The following UVRAG variants were observed in gnomAD, a reference collection of about 807,000 sequenced individuals.
UVRAG encodes UV radiation resistance associated.
A neutral mutation model predicts 78.0 loss-of-function variants in UVRAG; 19 were observed. The observed-to-expected ratio is 0.24, with a 90% CI of 0.17 to 0.36. The LOEUF (loss-of-function observed/expected upper bound fraction) is 0.36. Ranked by LOEUF, UVRAG falls within the 10% of genes least tolerant of loss-of-function variation. UVRAG has a pLI of 1.00. For synonymous variants in UVRAG, 323 were observed against 324.6 expected, an observed-to-expected ratio of 1.00 and a Z score of 0.05; for missense variants, 740 against 853.8, an observed-to-expected ratio of 0.87 and a Z score of 1.66.
At chr11:76,127,053 T>C (rs563931552) in intron 14 of UVRAG, among the ~76,000 whole-genome samples, 1 of 152,154 alleles carries the variant, frequency 6.6e-6, no homozygotes, top group Admixed American at 6.5e-5. Flanking sequence ...ATATACAAAG[T>C]GTGTATTGTA....
At chr11:75,938,154 G>A (rs1170154564) in intron 6 of UVRAG, among the ~76,000 whole-genome samples, 1 of 150,556 alleles carries the variant, frequency 6.6e-6, no homozygotes, top group Non-Finnish European at 1.5e-5. Context: ...TTTGCAGTCA[G>A]CTTTCTCAGA....
intron 6 of UVRAG, among the ~76,000 whole-genome samples, chr11:75,940,337 G>A (rs868406520): frequency 2.6e-5 from 4 of 152,124 alleles, no homozygotes; most frequent in Non-Finnish European, 5.9e-5. Flanking sequence ...CTATAAAGGT[G>A]ACCTTAATTG....
At chr11:75,909,924 T>A (rs1947698237) in intron 5 of UVRAG, among the ~76,000 whole-genome samples, 1 of 152,222 alleles carries the variant, frequency 6.6e-6, no homozygotes, top group East Asian at 1.9e-4. Flanking sequence ...AGTTGGAAAT[T>A]GTTCCCTTCT....
intron 1 of UVRAG, among the ~76,000 whole-genome samples, chr11:75,841,678 AT>A (rs1219952310): frequency 1.3e-5 from 2 of 152,290 alleles, no homozygotes; most frequent in Non-Finnish European, 2.9e-5. Flanking sequence ...GCTTGGTAAA[AT>A]TTTATATGAA....
intron 1 of UVRAG, among the ~76,000 whole-genome samples, chr11:75,832,974 T>C (rs1039492413): frequency 6.6e-6 from 1 of 152,178 alleles, no homozygotes; most frequent in Middle Eastern, 3.2e-3. Flanking sequence ...TTTCTTATCA[T>C]ACCAGTGTCA....
intron 4 of UVRAG, among the ~76,000 whole-genome samples, 159 bp downstream of exon 4, chr11:75,880,199 T>C (rs1045511468): frequency 6.6e-6 from 1 of 152,260 alleles, no homozygotes; most frequent in African/African-American, 2.4e-5. Flanking sequence ...CATTTACATA[T>C]GTTATTATTT....
intron 12 of UVRAG, among the ~76,000 whole-genome samples, chr11:76,031,930 T>C (rs1202592116): frequency 6.6e-6 from 1 of 152,210 alleles, no homozygotes; most frequent in Non-Finnish European, 1.5e-5. Flanking sequence ...TGATATGAAG[T>C]AATCATTGAA....
At chr11:75,965,072 G>T (rs935548792) in intron 7 of UVRAG, among the ~76,000 whole-genome samples, 2 of 151,950 alleles carry the variant, frequency 1.3e-5, no homozygotes, top group African/African-American at 4.8e-5. Context: ...GGTTTTTCTG[G>T]GTTCTTTATA....
At chr11:75,872,661 A>G (rs1946680637) in intron 3 of UVRAG, among the ~76,000 whole-genome samples, 1 of 152,122 alleles carries the variant, frequency 6.6e-6, no homozygotes, top group South Asian at 2.1e-4. Flanking sequence ...TGCTGGGATT[A>G]CAGGTGTGAG....
At chr11:75,993,782 A>G (rs565047975) in intron 8 of UVRAG, among the ~76,000 whole-genome samples, 8 of 152,314 alleles carry the variant, frequency 5.3e-5, no homozygotes, top group Admixed American at 1.3e-4. Flanking sequence ...TAATTGGCTT[A>G]CGGTTCTGCA....
At chr11:75,828,621 G>C (rs917731139) in intron 1 of UVRAG, among the ~76,000 whole-genome samples, 1 of 150,194 alleles carries the variant, frequency 6.7e-6, no homozygotes, top group African/African-American at 2.4e-5. Flanking sequence ...TGAGACTACA[G>C]GCACGCACCA....
intron 5 of UVRAG, among the ~76,000 whole-genome samples, chr11:75,893,951 G>C (rs971941658): frequency 6.6e-6 from 1 of 152,176 alleles, no homozygotes; most frequent in African/African-American, 2.4e-5. Flanking sequence ...GTCAGGGATA[G>C]TTTTAAATGC....
intron 8 of UVRAG, among the ~76,000 whole-genome samples, chr11:75,994,701 C>A (rs975081891): frequency 6.6e-6 from 1 of 152,142 alleles, no homozygotes. Context: ...AGTGACAGAT[C>A]CAAATTCAAA....
In UVRAG at chr11:75,898,161, G is replaced by A. The variant is rs148616392; in HGVS notation, c.507+9258G>A. Among the ~76,000 whole-genome samples, 945 of 152,226 alleles carry A rather than the reference G, an allele frequency of 6.2e-3. 9 individuals carry two copies. Among genetic ancestry groups the A allele is most frequent in the African/African-American group, 0.022 (903 of 41,524 alleles). ...TGGGATTACAGGCGTGAGCCACTGCGCCTGGCCCATAGCTCTTTAATCTTT... is the reference window on the plus strand; with the variant it reads ...TGGGATTACAGGCGTGAGCCACTGCACCTGGCCCATAGCTCTTTAATCTTT... On this transcript the variant is annotated intron_variant, in intron 5 of 14. Coordinates refer to ENST00000356136, the MANE Select transcript of UVRAG (RefSeq NM_003369.4).
chr11:76,020,906 C>T (rs754171177), intron 12 of UVRAG, among the ~76,000 whole-genome samples: 71 of 152,188 alleles, frequency 4.7e-4, no homozygotes, highest in Non-Finnish European at 8.2e-4. Flanking sequence ...CTGGGATGGG[C>T]GATTCCCCTC....
intron 14 of UVRAG, among the ~76,000 whole-genome samples, chr11:76,136,237 C>T (rs1056127971): frequency 2.0e-5 from 3 of 152,092 alleles, no homozygotes; most frequent in African/African-American, 7.2e-5. Flanking sequence ...TGAAAACCTT[C>T]CATTAAATAT....
chr11:75,969,605 G>A (rs1352309543), intron 7 of UVRAG, among the ~76,000 whole-genome samples: 1 of 152,084 alleles, frequency 6.6e-6, no homozygotes, highest in African/African-American at 2.4e-5. Context: ...TTCTATGAAA[G>A]GCATATTTCA....
At chr11:75,993,609 C>A (rs990076086) in intron 8 of UVRAG, among the ~76,000 whole-genome samples, 2 of 152,064 alleles carry the variant, frequency 1.3e-5, no homozygotes, top group Non-Finnish European at 2.9e-5. Context: ...AAGCAACACT[C>A]TATCAAAATT....
rs1948911071 is a variant in UVRAG at position 75,961,532 on chromosome 11, T to C, written c.682T>C (p.Ser228Pro). ...AATTGAAGAAAAACTAAGACTCACATCTACAAGCAATGAACTGGTAGGTTT... is the reference window on the plus strand; with the variant it reads ...AATTGAAGAAAAACTAAGACTCACACCTACAAGCAATGAACTGGTAGGTTT... ...KEIEEKLRLT[S>P]TSNELKKKSE... is the part of the protein sequence containing the mutation. The change falls in exon 7 of 15, where the codon TCT becomes CCT. Residue 228 changes from serine to proline, a missense_variant. Ser to Pro is a moderately conservative substitution (Grantham distance 74). Transcript: ENST00000356136. 6.2e-7 allele frequency: 1 copy of C among 1,603,034 alleles called. No individual in the cohort carries two copies. Among genetic ancestry groups the C allele is most frequent in the Non-Finnish European group, 8.5e-7 (1 of 1,177,402 alleles).
Sources: gnomAD v4.1 joint callset for allele counts (sites outside exome capture counted in the v4.1 genomes callset) on GRCh38, gnomAD v4.1.1 for gene constraint, MANE v1.5 for transcripts, NCBI Gene and HGNC (gene_info 2026-07-23, HGNC 2026-07-21) for gene names.